ST8SIA3: variants seen among roughly 807,000 people sequenced by gnomAD.
ST8SIA3 encodes ST8 alpha-N-acetyl-neuraminide alpha-2,8-sialyltransferase 3, also known as alpha-N-acetylneuraminate alpha-2,8-sialyltransferase ST8SIA3.
Under a neutral mutation model 34.5 loss-of-function variants are expected in ST8SIA3, and 17 were observed. That is an observed-to-expected ratio of 0.49 (90% CI 0.34 to 0.74). The LOEUF (loss-of-function observed/expected upper bound fraction) is 0.74, where lower values mean the gene tolerates loss of function less well. Among genes scored for constraint, ST8SIA3 ranks in the 30% least tolerant of loss-of-function variants. ST8SIA3 has a pLI of 0.01. For missense variants in ST8SIA3, 354 were observed against 467.8 expected (o/e 0.76, Z 2.24); for synonymous variants, 172 against 176.1 (o/e 0.98, Z 0.19).
rs2144195378 is a variant in ST8SIA3, at chr18:57,352,761, C to CACAA, written c.-83_-82insAACA. On this transcript the variant is annotated 5_prime_UTR_variant, in exon 1 of 4. Transcript: ENST00000324000. ...ACACACACACACACACACACACACA[C>CACAA]ACACACACATATATACACGCCAGCG... is the stretch of plus-strand genomic sequence containing the variant. 1.1e-6 allele frequency: 1 copy of CACAA among 948,106 alleles called. No homozygotes were observed. Among genetic ancestry groups the CACAA allele is most frequent in the Non-Finnish European group, 1.6e-6 (1 of 623,908 alleles). The allele number at this position is 948,106 out of a possible 1,614,324, so 58.7% of individuals were successfully genotyped here. A position where few individuals can be genotyped will look rare whatever the true frequency, so the allele number is the denominator to read the frequency against.
At position 57,360,630 on chromosome 18, in the gene ST8SIA3, C is replaced by T. The variant is rs1391671381; in HGVS notation, c.*353C>T. ...TCTGCAGCTCTGCTCAGATAGTCCT[C>T]ATAATCAGAGGCCTCTGGCCAACTG... On this transcript the variant is annotated 3_prime_UTR_variant, in exon 4 of 4. Transcript: ENST00000324000. 1 of 195,612 alleles carries T rather than the reference C, an allele frequency of 5.1e-6. No individual in the cohort carries two copies. Among genetic ancestry groups the T allele is most frequent in the African/African-American group, 2.3e-5 (1 of 42,754 alleles). The allele number at this position is 195,612 out of a possible 1,614,324, so 12.1% of individuals were successfully genotyped here.
chr18:57,356,099 A>G (rs183275759), intron 2 of ST8SIA3, among the ~76,000 whole-genome samples: 132 of 152,326 alleles, frequency 8.7e-4, no homozygotes, highest in African/African-American at 3.0e-3. Context: ...AATGTTTTAA[A>G]TAGCTAAACT....
intron 1 of ST8SIA3, among the ~76,000 whole-genome samples, 169 bp downstream of exon 1, chr18:57,353,194 T>A (rs1315767142): frequency 6.7e-6 from 1 of 149,026 alleles, no homozygotes; most frequent in Non-Finnish European, 1.5e-5. Context: ...CTCCCTGTTA[T>A]TTTTTTTTTA....
Position 57,352,828 on chromosome 18 carries a change from G to C in ST8SIA3, c.-19G>C. ...ATGGACCGATTTCCCCGGTTTCCCT[G>C]AACCCAGCCCAGCCCGGGATGAGAA... On this transcript the variant is annotated 5_prime_UTR_variant, in exon 1 of 4. The change abolishes the stop of an existing upstream ORF in the 5' untranslated region. Transcript: ENST00000324000. 1 of 1,611,286 alleles carries C rather than the reference G, an allele frequency of 6.2e-7. No homozygotes were observed. Among genetic ancestry groups the C allele is most frequent in the South Asian group, 1.1e-5 (1 of 91,004 alleles).
rs1441024051 is a variant in ST8SIA3 at position 57,366,227 on chromosome 18, C to G, written c.*5950C>G. ...AGGGACTTTTAAATGTCCCCTCCAC[C>G]AAGGGAAGCATTTCCATGTTGGTTA... On this transcript the variant is annotated 3_prime_UTR_variant, in exon 4 of 4. Coordinates refer to ENST00000324000, the MANE Select transcript of ST8SIA3 (RefSeq NM_015879.3). The G allele has an allele frequency of 1.3e-5, 2 of 152,216 alleles. No homozygotes were observed. The highest frequency in any genetic ancestry group is 2.4e-5 in the African/African-American group (1 of 41,442). The allele number at this position is 152,216 out of a possible 1,614,324, so 9.4% of individuals were successfully genotyped here.
Position 57,360,177 on chromosome 18 carries a change from C to A in ST8SIA3, c.1043C>A (p.Thr348Asn). 6.2e-7 allele frequency: 1 copy of A among 1,614,158 alleles called. No homozygotes were observed. The highest frequency in any genetic ancestry group is 1.1e-5 in the South Asian group (1 of 91,090). ...GACAAAAAAGGAACCAAATTTACCA[C>A]CAAGTGGCAGGAGTCCCACCAGCTG... ...YYDKKGTKFT[T>N]KWQESHQLPA... Residue 348 changes from threonine to asparagine, a missense_variant, in exon 4 of 4, where the codon ACC becomes AAC. Thr to Asn is a moderately conservative substitution (Grantham distance 65, BLOSUM62 0). This residue lies in a region of ST8SIA3 where 166 missense variants were observed against 245.2 expected (regional missense o/e 0.68). Transcript: ENST00000324000.
At chr18:57,356,139 G>A (rs575876803) in intron 2 of ST8SIA3, among the ~76,000 whole-genome samples, 79 of 152,254 alleles carry the variant, frequency 5.2e-4, no homozygotes, top group African/African-American at 1.9e-3. Flanking sequence ...TTTACTTAAA[G>A]CTCAATATGA....
At chr18:57,356,885 G>T (rs1327950502) in intron 2 of ST8SIA3, 28 bp from the exon 3 acceptor site, 1 of 1,400,446 alleles carries the variant, frequency 7.1e-7, no homozygotes. Context: ...TGAATGGAAT[G>T]CTTTTCATGA....
rs1455792825 is a variant in ST8SIA3, at chr18:57,352,758, A to G, written c.-89A>G. The G allele has an allele frequency of 4.6e-6, 4 of 860,712 alleles. No homozygotes were observed. The highest frequency in any genetic ancestry group is 3.6e-5 in the African/African-American group (2 of 55,572). 53.3% of individuals were successfully genotyped at this position (860,712 alleles called of 1,614,324 possible). ...CACACACACACACACACACACACAC[A>G]CACACACACACATATATACACGCCA... On this transcript the variant is annotated 5_prime_UTR_variant, in exon 1 of 4. Coordinates refer to ENST00000324000, the MANE Select transcript of ST8SIA3 (RefSeq NM_015879.3).
chr18:57,357,616 G>T, intron 3 of ST8SIA3, 146 bp downstream of exon 3: 1 of 667,248 alleles, frequency 1.5e-6, no homozygotes, highest in Admixed American at 2.8e-5. Context: ...TTTGTAATGA[G>T]CGAATGAATG....
rs2049833160 is a variant in ST8SIA3, at chr18:57,361,885, A to T, written c.*1608A>T. The T allele has an allele frequency of 6.6e-6, 1 of 152,288 alleles. No individual in the cohort carries two copies. Among genetic ancestry groups the T allele is most frequent in the African/African-American group, 2.4e-5 (1 of 41,474 alleles). 9.4% of individuals were successfully genotyped at this position (152,288 alleles called of 1,614,324 possible). A position where few individuals can be genotyped will look rare whatever the true frequency, so the allele number is the denominator to read the frequency against. On this transcript the variant is annotated 3_prime_UTR_variant, in exon 4 of 4. Transcript: ENST00000324000. The stretch of plus-strand genomic sequence containing the variant: ...CTGTTTAAAAAATGTGCTGTAGTTC[A>T]GTGATGAGCTCATTGCCCCTCTTTA...
chr18:57,359,926 C>A, intron 3 of ST8SIA3, 69 bp from the exon 4 acceptor site: 1 of 1,391,236 alleles, frequency 7.2e-7, no homozygotes, highest in Non-Finnish European at 1.0e-6. Flanking sequence ...CCAGCCCAGT[C>A]AGATAGACCT....
intron 2 of ST8SIA3, among the ~76,000 whole-genome samples, chr18:57,355,456 C>T (rs1016266150): frequency 1.3e-5 from 2 of 152,120 alleles, no homozygotes; most frequent in African/African-American, 4.8e-5. Flanking sequence ...AGAATTAAAA[C>T]AAATTCAGTG....
In ST8SIA3 at chr18:57,352,630, G is replaced by A. The variant is rs1366828242; in HGVS notation, c.-217G>A. On this transcript the variant is annotated 5_prime_UTR_variant, in exon 1 of 4. Transcript: ENST00000324000. ...GGCCCCGCGCGCCCCTGCCTACGGG[G>A]TCCCGCTGCTCTCCGGGGCTCCTGC... 2 of 567,154 alleles carry A rather than the reference G, an allele frequency of 3.5e-6. No homozygotes were observed. Among genetic ancestry groups the A allele is most frequent in the East Asian group, 1.2e-4 (2 of 16,016 alleles). 35.1% of individuals were successfully genotyped at this position (567,154 alleles called of 1,614,324 possible). A position where few individuals can be genotyped will look rare whatever the true frequency, so the allele number is the denominator to read the frequency against.
At chr18:57,353,148 G>C in intron 1 of ST8SIA3, 123 bp downstream of exon 1, 1 of 931,138 alleles carries the variant, frequency 1.1e-6, no homozygotes, top group Non-Finnish European at 1.6e-6. Flanking sequence ...ATAACTGCGC[G>C]GTCCTTCCAC....
rs1320723782 is a variant in ST8SIA3, at chr18:57,365,247, T to C, written c.*4970T>C. The C allele has an allele frequency of 1.3e-5, 2 of 152,240 alleles. No individual in the cohort carries two copies. Among genetic ancestry groups the C allele is most frequent in the Admixed American group, 6.5e-5 (1 of 15,282 alleles). 9.4% of individuals were successfully genotyped at this position (152,240 alleles called of 1,614,324 possible). On this transcript the variant is annotated 3_prime_UTR_variant, in exon 4 of 4. Coordinates refer to ENST00000324000, the MANE Select transcript of ST8SIA3 (RefSeq NM_015879.3). ...GTCATATATACCATTTTGAACAAAG[T>C]AGCTAAATGCTTATCTCTCCTTGTG...
Position 57,357,330 on chromosome 18 carries a change from G to A in ST8SIA3, c.720G>A (p.Gly240=), listed in dbSNP as rs1461817408. The A allele has an allele frequency of 6.2e-7, 1 of 1,613,700 alleles. No homozygotes were observed. Among genetic ancestry groups the A allele is most frequent in the East Asian group, 2.2e-5 (1 of 44,882 alleles). The part of the protein sequence containing the change: ...NFFLSLKKLD[G]AILWIPAFFF... ...TCCTCAGTTTAAAAAAGCTTGACGG[G>A]GCCATTCTTTGGATCCCTGCATTTT... is the stretch of plus-strand genomic sequence containing the variant. Residue 240 remains glycine (G), a synonymous_variant, in exon 3 of 4, where the codon GGG becomes GGA. Coordinates refer to ENST00000324000, the MANE Select transcript of ST8SIA3 (RefSeq NM_015879.3).
In ST8SIA3 at chr18:57,356,804, G is replaced by T. The variant is rs574860846; in HGVS notation, c.303-109G>T. On this transcript the variant is annotated intron_variant, in intron 2 of 3. Transcript: ENST00000324000. ...AATTATGTATGTATAATCTTTTTTG[G>T]ATTCAATGAGCCTAAGATTCCCTCT... The T allele has an allele frequency of 9.8e-6, 7 of 714,394 alleles. No individual in the cohort carries two copies. The African/African-American group carries it at 1.2e-4, about 13-fold the overall frequency. 44.3% of individuals were successfully genotyped at this position (714,394 alleles called of 1,614,324 possible).
chr18:57,359,314 G>A (rs1458461501), intron 3 of ST8SIA3, among the ~76,000 whole-genome samples: 2 of 152,112 alleles, frequency 1.3e-5, no homozygotes, highest in Non-Finnish European at 2.9e-5. Flanking sequence ...TACACTTAAT[G>A]TATCTTACAC....
Sources: allele counts gnomAD v4.1 joint callset (sites outside exome capture counted in the v4.1 genomes callset), GRCh38; gene constraint gnomAD v4.1.1; regional missense constraint gnomAD v4.1.1; transcripts MANE v1.5; gene names NCBI Gene and HGNC (gene_info 2026-07-23, HGNC 2026-07-21).